Variants in GALNT17 observed in about 807,000 individuals in gnomAD.
The protein encoded by GALNT17 is UDP-GalNAc:polypeptide N-acetylgalactosaminyltransferase-like 3.
Under a neutral mutation model 63.7 loss-of-function variants are expected in GALNT17, and 29 were observed. That is an observed-to-expected ratio of 0.46 (90% CI 0.34 to 0.62). The LOEUF (loss-of-function observed/expected upper bound fraction) is 0.62. Among genes scored for constraint, GALNT17 ranks in the 20% least tolerant of loss-of-function variants. The probability of loss-of-function intolerance (pLI) is 0.01; values close to 1 mark genes in which losing one functional copy is unlikely to be tolerated. For missense variants in GALNT17, 603 were observed against 799.6 expected, an observed-to-expected ratio of 0.75 and a Z score of 2.97; for synonymous variants, 305 against 318.3, an observed-to-expected ratio of 0.96 and a Z score of 0.45.
In GALNT17 at chr7:71,409,296, G is replaced by T. The variant is rs117384762; in HGVS notation, c.590-6593G>T. On this transcript the variant is annotated intron_variant, in intron 3 of 10. Transcript: ENST00000333538. ...TTCATCCCAGATGGAGTTAGGCAGG[G>T]GGGTAAATGCTAAGCCAGAGCCACC... Among the ~76,000 whole-genome samples the T allele has an allele frequency of 3.5e-4, 54 of 152,186 alleles. No homozygotes were observed. The East Asian group carries it at 0.01, about 28-fold the overall frequency.
intron 1 of GALNT17, among the ~76,000 whole-genome samples, chr7:71,217,299 CTT>C (rs767847536): frequency 6.6e-6 from 1 of 151,276 alleles, no homozygotes; most frequent in African/African-American, 2.4e-5. Context: ...TTTTTTTTAA[CTT>C]TGTATTTTTG....
chr7:71,615,452 C>T (rs1291526063), intron 6 of GALNT17, among the ~76,000 whole-genome samples: 1 of 142,848 alleles, frequency 7.0e-6, no homozygotes, highest in Non-Finnish European at 1.5e-5. Flanking sequence ...TCTATCTGCA[C>T]TTTAGGAGCA....
intron 2 of GALNT17, among the ~76,000 whole-genome samples, chr7:71,341,891 A>G (rs796271919): frequency 4.6e-5 from 7 of 152,300 alleles, no homozygotes; most frequent in African/African-American, 1.4e-4. Context: ...CAAGAGATCA[A>G]TTATTCCCAC....
intron 6 of GALNT17, among the ~76,000 whole-genome samples, chr7:71,600,373 T>C (rs1789948932): frequency 7.0e-6 from 1 of 141,946 alleles, no homozygotes; most frequent in Non-Finnish European, 1.5e-5. Flanking sequence ...AACTGGATAT[T>C]GAACTGGGGA....
chr7:71,322,502 C>G (rs1428138797), intron 1 of GALNT17, among the ~76,000 whole-genome samples: 1 of 152,190 alleles, frequency 6.6e-6, no homozygotes, highest in African/African-American at 2.4e-5. Context: ...AAATGTACCT[C>G]CAGTATTCGT....
At chr7:71,580,890 T>C (rs1307179782) in intron 6 of GALNT17, among the ~76,000 whole-genome samples, 2 of 152,174 alleles carry the variant, frequency 1.3e-5, no homozygotes, top group African/African-American at 4.8e-5. Flanking sequence ...GCACTAAGCC[T>C]GAGATAGACT....
chr7:71,343,793 C>G (rs916241181), intron 2 of GALNT17, among the ~76,000 whole-genome samples: 2 of 152,000 alleles, frequency 1.3e-5, no homozygotes, highest in African/African-American at 4.8e-5. Context: ...AGAGCTTTTT[C>G]AAAATAATCT....
chr7:71,629,008 G>A (rs1790417485), intron 6 of GALNT17, among the ~76,000 whole-genome samples: 1 of 152,164 alleles, frequency 6.6e-6, no homozygotes, highest in South Asian at 2.1e-4. Flanking sequence ...TGGATGGGGA[G>A]TAGTCCATGG....
At chr7:71,512,013 C>CG (rs1788364342) in intron 5 of GALNT17, among the ~76,000 whole-genome samples, 1 of 96,342 alleles carries the variant, frequency 1.0e-5, no homozygotes, top group Non-Finnish European at 1.8e-5. Context: ...TGGGTTCCAG[C>CG]CTTTTTTTTT....
At chr7:71,388,151 C>A in intron 2 of GALNT17, 84 bp from the exon 3 acceptor site, 1 of 1,463,942 alleles carries the variant, frequency 6.8e-7, no homozygotes. Flanking sequence ...GAGGATTCGG[C>A]TGAAATCTTA....
intron 1 of GALNT17, among the ~76,000 whole-genome samples, chr7:71,240,190 C>T (rs1036989525): frequency 3.3e-5 from 5 of 152,186 alleles, no homozygotes; most frequent in Non-Finnish European, 5.9e-5. Flanking sequence ...GAGATGCATG[C>T]CTGTCTCAGC....
chr7:71,656,006 C>T (rs909542122), intron 6 of GALNT17, among the ~76,000 whole-genome samples: 1 of 152,172 alleles, frequency 6.6e-6, no homozygotes, highest in Non-Finnish European at 1.5e-5. Context: ...CCTAGGCCCC[C>T]TCTCCAGACA....
At chr7:71,185,113 CCCTCGCCTCCCTTCCCCTCT>C (rs1717508256) in intron 1 of GALNT17, among the ~76,000 whole-genome samples, 1 of 146,300 alleles carries the variant, frequency 6.8e-6, no homozygotes, top group Admixed American at 6.8e-5. Context: ...TCCTCCCCTG[CCCTCGCCTCCCTTCCCCTCT>C]CCTCCCCTCC....
Position 71,290,002 on chromosome 7 carries a change from G to A in GALNT17, c.239-45548G>A, listed in dbSNP as rs191258407. Among the ~76,000 whole-genome samples the A allele has an allele frequency of 3.7e-4, 57 of 152,180 alleles. No homozygotes were observed. In the East Asian group the frequency reaches 9.5e-3, roughly 25 times the overall value. ...GGAGGTTGCAGTGAGCTGACATAGC[G>A]CCACTGCACTCCAGCATGGGCAACG... is the stretch of plus-strand genomic sequence containing the variant. On this transcript the variant is annotated intron_variant, in intron 1 of 10. Transcript: ENST00000333538.
At chr7:71,666,864 T>C (rs1250866991) in intron 7 of GALNT17, among the ~76,000 whole-genome samples, 20 of 152,242 alleles carry the variant, frequency 1.3e-4, no homozygotes, top group Admixed American at 1.3e-3. Context: ...AGTCTGCAGT[T>C]GGTTGAACCG....
chr7:71,273,796 A>G (rs752594439), intron 1 of GALNT17, among the ~76,000 whole-genome samples: 42 of 152,170 alleles, frequency 2.8e-4, no homozygotes, highest in Non-Finnish European at 5.0e-4. Flanking sequence ...CTGTTGGTCA[A>G]ATACAATCAT....
intron 3 of GALNT17, among the ~76,000 whole-genome samples, chr7:71,389,803 A>G (rs533583128): frequency 1.4e-4 from 22 of 152,322 alleles, no homozygotes; most frequent in African/African-American, 5.3e-4. Context: ...CACTGTGCCC[A>G]AAATGATCTT....
chr7:71,461,942 T>C (rs1052596676), intron 5 of GALNT17, among the ~76,000 whole-genome samples: 1 of 152,220 alleles, frequency 6.6e-6, no homozygotes, highest in African/African-American at 2.4e-5. Flanking sequence ...TCTGGATCAA[T>C]TGAAAACTGG....
chr7:71,689,595 G>A (rs1289251447), intron 9 of GALNT17, among the ~76,000 whole-genome samples: 1 of 152,232 alleles, frequency 6.6e-6, no homozygotes, highest in Non-Finnish European at 1.5e-5. Context: ...TTGGCTTGAG[G>A]TTTAAGGAAA....
Sources: allele counts gnomAD v4.1 joint callset (sites outside exome capture counted in the v4.1 genomes callset), GRCh38; gene constraint gnomAD v4.1.1; transcripts MANE v1.5; gene names NCBI Gene and HGNC (gene_info 2026-07-23, HGNC 2026-07-21).